Variants in DUOX1 observed in about 807,000 individuals in gnomAD.
DUOX1 encodes the protein dual oxidase 1, also known as NADPH thyroid oxidase 1.
Under a neutral mutation model 181.8 loss-of-function variants are expected in DUOX1, and 134 were observed. The observed-to-expected ratio is 0.74, with a 90% CI of 0.64 to 0.85. DUOX1 has a LOEUF of 0.85. Ranked by LOEUF, DUOX1 falls within the 40% of genes least tolerant of loss-of-function variation. The probability of loss-of-function intolerance (pLI) is 0.00; values close to 1 mark genes in which losing one functional copy is unlikely to be tolerated. For missense variants in DUOX1, 1,814 were observed against 2,064.4 expected (o/e 0.88, Z 2.35); for synonymous variants, 798 against 832.5 (o/e 0.96, Z 0.71).
At chr15:45,151,581 A>T (rs921838495) in intron 23 of DUOX1, among the ~76,000 whole-genome samples, 2 of 152,042 alleles carry the variant, frequency 1.3e-5, no homozygotes, top group Non-Finnish European at 2.9e-5. Context: ...GGGAGTTGGG[A>T]GCTACAGACT....
intron 19 of DUOX1, 117 bp from the exon 20 acceptor site, chr15:45,147,787 G>A: frequency 1.3e-6 from 2 of 1,528,700 alleles, no homozygotes; most frequent in Non-Finnish European, 1.8e-6. Context: ...AGGAAGCAGA[G>A]CGACCCTTGC....
intron 15 of DUOX1, among the ~76,000 whole-genome samples, chr15:45,142,487 A>C (rs1896524285): frequency 6.6e-6 from 1 of 152,186 alleles, no homozygotes; most frequent in South Asian, 2.1e-4. Context: ...GCACTTTGAG[A>C]GGCCGAGGCA....
Position 45,161,789 on chromosome 15 carries a change from G to C in DUOX1, c.3908G>C (p.Gly1303Ala). ...CCCCAGGGCTTTGAGTACAAGTCAG[G>C]GCAGTGGGTGCGGATCGCTTGCCTG... is the stretch of plus-strand genomic sequence containing the variant. ...QRPQGFEYKS[G>A]QWVRIACLAL... The change falls in exon 30 of 34, where the codon GGG becomes GCG. Residue 1303 changes from glycine (G) to alanine (A), a missense_variant. Around this residue, in one of 5 missense-constraint regions of DUOX1, gnomAD observed 279 missense variants for 381.9 expected, o/e 0.73. Transcript: ENST00000389037. 6.2e-7 allele frequency: 1 copy of C among 1,613,946 alleles called. No individual in the cohort carries two copies.
At chr15:45,133,991 G>C in intron 3 of DUOX1, 44 bp downstream of exon 3, 2 of 1,605,732 alleles carry the variant, frequency 1.2e-6, no homozygotes, top group Non-Finnish European at 1.7e-6. Flanking sequence ...GGCCAGGGGG[G>C]TACTGAGTGC....
At chr15:45,163,971 G>A (rs1488534782) in intron 33 of DUOX1, 53 bp downstream of exon 33, 4 of 1,593,262 alleles carry the variant, frequency 2.5e-6, no homozygotes, top group Admixed American at 1.7e-5. Flanking sequence ...TGGGGTCTGA[G>A]CAAAGCTCCC....
At position 45,135,161 on chromosome 15, in the gene DUOX1, T is replaced by A. The variant is rs777632858; in HGVS notation, c.365T>A (p.Phe122Tyr). The stretch of plus-strand genomic sequence containing the variant: ...GAAACTCCCGGCTGCCCCGCCGAGT[T>A]CCTCAACATTCGCATCCCGCCCGGA... ...SVETPGCPAE[F>Y]LNIRIPPGDP... Residue 122 changes from phenylalanine (F) to tyrosine (Y), a missense_variant, in exon 5 of 34, where the codon TTC becomes TAC. Phe to Tyr is a conservative substitution (Grantham distance 22). Around this residue, in one of 5 missense-constraint regions of DUOX1, gnomAD observed 320 missense variants for 313.1 expected, o/e 1.02. Coordinates refer to ENST00000389037, the MANE Select transcript of DUOX1 (RefSeq NM_175940.3). 6.2e-7 allele frequency: 1 copy of A among 1,613,720 alleles called. No individual in the cohort carries two copies. Among genetic ancestry groups the A allele is most frequent in the Non-Finnish European group, 8.5e-7 (1 of 1,179,920 alleles).
At chr15:45,153,187 C>T in intron 25 of DUOX1, 193 bp from the exon 26 acceptor site, 3 of 529,412 alleles carry the variant, frequency 5.7e-6, no homozygotes, top group Non-Finnish European at 1.0e-5. Flanking sequence ...CACCACTGCC[C>T]TCCAGCCTGG....
Position 45,137,822 on chromosome 15 carries a change from G to T in DUOX1, c.1023-102G>T, listed in dbSNP as rs539039058. 595 of 891,130 alleles carry T rather than the reference G, an allele frequency of 6.7e-4. 10 individuals carry two copies. In the South Asian group the frequency reaches 8.6e-3, roughly 13 times the overall value. The allele number at this position is 891,130 out of a possible 1,614,324, so 55.2% of individuals were successfully genotyped here. ...GAACCACACACCACCTCGGAAAGAC[G>T]ATGGCCTGGGGTCCCTGGATACCGC... On this transcript the variant is annotated intron_variant, in intron 9 of 33. Coordinates refer to ENST00000389037, the MANE Select transcript of DUOX1 (RefSeq NM_175940.3).
intron 27 of DUOX1, 154 bp from the exon 28 acceptor site, chr15:45,155,648 G>T (rs1896952443): frequency 8.6e-6 from 8 of 931,688 alleles, no homozygotes; most frequent in Non-Finnish European, 1.3e-5. Flanking sequence ...AGGTACCTGT[G>T]ATCAGTGGTG....
intron 28 of DUOX1, among the ~76,000 whole-genome samples, chr15:45,160,246 G>A (rs1897065323): frequency 6.6e-6 from 1 of 152,210 alleles, no homozygotes; most frequent in African/African-American, 2.4e-5. Context: ...GGGGAGGCCT[G>A]AGGAGGTGGT....
chr15:45,141,469 C>A, intron 14 of DUOX1, 59 bp downstream of exon 14: 1 of 1,554,690 alleles, frequency 6.4e-7, no homozygotes, highest in Non-Finnish European at 8.9e-7. Flanking sequence ...CCCTCTTCAG[C>A]TCTGGGCTTG....
chr15:45,139,672 G>T, intron 12 of DUOX1, 73 bp downstream of exon 12: 1 of 1,456,918 alleles, frequency 6.9e-7, no homozygotes, highest in Non-Finnish European at 9.1e-7. Context: ...TGGAAGATAG[G>T]CAGTGAAACT....
intron 29 of DUOX1, among the ~76,000 whole-genome samples, chr15:45,161,210 G>A (rs898596516): frequency 1.1e-4 from 16 of 151,774 alleles, no homozygotes; most frequent in Non-Finnish European, 1.5e-4. Context: ...TCAAGAGATC[G>A]AGACCATCCT....
intron 28 of DUOX1, among the ~76,000 whole-genome samples, chr15:45,157,926 G>C (rs1897003775): frequency 6.6e-6 from 1 of 152,090 alleles, no homozygotes; most frequent in Non-Finnish European, 1.5e-5. Context: ...ATCAGGGCAA[G>C]AGCACCCTCT....
At chr15:45,150,840 C>A in intron 22 of DUOX1, 139 bp downstream of exon 22, 1 of 875,492 alleles carries the variant, frequency 1.1e-6, no homozygotes, top group Non-Finnish European at 1.8e-6. Flanking sequence ...TTTCTCTAGG[C>A]AGACACAGCC....
intron 4 of DUOX1, among the ~76,000 whole-genome samples, chr15:45,134,776 G>C (rs987864752): frequency 2.2e-4 from 34 of 152,196 alleles, no homozygotes; most frequent in African/African-American, 7.7e-4. Flanking sequence ...GACAGGATTG[G>C]TGGCTGGTCC....
Position 45,163,902 on chromosome 15 carries a change from AG to A in DUOX1, c.4519del (p.Glu1507ArgfsTer19), listed in dbSNP as rs1295805785. 1 of 1,613,930 alleles carries A rather than the reference AG, an allele frequency of 6.2e-7. No homozygotes were observed. Among genetic ancestry groups the A allele is most frequent in the Non-Finnish European group, 8.5e-7 (1 of 1,179,960 alleles). On this transcript the variant is annotated frameshift_variant, in exon 33 of 34. Transcript: ENST00000389037. LOFTEE classifies it high-confidence loss of function. ...PPFEPFFNSL[Q>X]EVHPQVRKIG... is the part of the protein sequence containing the mutation. ...TTTGAGCCCTTCTTCAACTCCCTGC[AG>A]GAGGTCCACCCCCAGGTCAGTCCAA...
intron 1 of DUOX1, among the ~76,000 whole-genome samples, chr15:45,131,119 C>A (rs1896125962): frequency 6.6e-6 from 1 of 152,178 alleles, no homozygotes; most frequent in Non-Finnish European, 1.5e-5. Context: ...TTTCCCTGAG[C>A]TCCTTTCTTC....
In DUOX1 at chr15:45,160,746, C is replaced by T. The variant is rs1425477924; in HGVS notation, c.3703-91C>T. On this transcript the variant is annotated intron_variant, in intron 28 of 33. Transcript: ENST00000389037. ...GTGAGGTGGGGGCTGGATATACCAGCGGGGAAGTATGGAGGGTCTAAGGCC... is the reference window on the plus strand; with the variant it reads ...GTGAGGTGGGGGCTGGATATACCAGTGGGGAAGTATGGAGGGTCTAAGGCC... 2.1e-5 allele frequency: 29 copies of T among 1,375,640 alleles called. No homozygotes were observed. In the South Asian group the frequency reaches 2.7e-4, roughly 13 times the overall value. 85.2% of individuals were successfully genotyped at this position (1,375,640 alleles called of 1,614,324 possible). A position where few individuals can be genotyped will look rare whatever the true frequency, so the allele number is the denominator to read the frequency against.
Sources: gnomAD v4.1 joint callset for allele counts (sites outside exome capture counted in the v4.1 genomes callset) on GRCh38, gnomAD v4.1.1 for gene constraint, gnomAD v4.1.1 regional missense constraint, MANE v1.5 for transcripts, NCBI Gene and HGNC (gene_info 2026-07-23, HGNC 2026-07-21) for gene names.